Variants in EFCAB6 observed in about 807,000 individuals in gnomAD.
The protein encoded by EFCAB6 is EF-hand calcium-binding domain-containing protein 6.
A neutral mutation model predicts 169.8 loss-of-function variants in EFCAB6; 156 were observed. That is an observed-to-expected ratio of 0.92 (90% CI 0.81 to 1.05). The LOEUF is 1.05. EFCAB6 is among the 50% of genes least tolerant of loss of function. The pLI, the probability that EFCAB6 is intolerant of heterozygous loss-of-function variation, is 0.00. For missense variants in EFCAB6, 1,800 were observed against 1,829.1 expected (o/e 0.98, Z 0.29); for synonymous variants, 698 against 676.4 (o/e 1.03, Z -0.50).
chr22:43,632,776 T>G (rs2055077976), intron 18 of EFCAB6, among the ~76,000 whole-genome samples: 1 of 152,236 alleles, frequency 6.6e-6, no homozygotes, highest in African/African-American at 2.4e-5. Flanking sequence ...TGCTGCAGAC[T>G]GTGGGGCCTC....
chr22:43,571,379 G>A (rs1343928012), intron 26 of EFCAB6, among the ~76,000 whole-genome samples: 1 of 152,180 alleles, frequency 6.6e-6, no homozygotes, highest in Non-Finnish European at 1.5e-5. Context: ...TTACATTTTG[G>A]TAATCTCCTT....
intron 19 of EFCAB6, among the ~76,000 whole-genome samples, chr22:43,630,397 C>A (rs1449841223): frequency 1.3e-5 from 2 of 152,192 alleles, no homozygotes; most frequent in East Asian, 3.9e-4. Context: ...AAATAGAGAT[C>A]TCTTTGGAAA....
chr22:43,594,275 C>CAAAA (rs750560174), intron 23 of EFCAB6, among the ~76,000 whole-genome samples: 232 of 81,348 alleles, frequency 2.9e-3, no homozygotes, highest in African/African-American at 7.7e-3. Context: ...AACTCTGTTT[C>CAAAA]AAAAAAAAAA....
chr22:43,731,681 T>A lies in EFCAB6; in HGVS notation c.757+18A>T. ...AAAGATATTGAAATCTTTAGCTATATACTTTAAAAATACTTACCTTGATTT... is the reference window on the plus strand; with the variant it reads ...AAAGATATTGAAATCTTTAGCTATAAACTTTAAAAATACTTACCTTGATTT... On this transcript the variant is annotated intron_variant, in intron 8 of 31. Coordinates refer to ENST00000262726, the MANE Select transcript of EFCAB6 (RefSeq NM_022785.4). 1 of 1,477,390 alleles carries A rather than the reference T, an allele frequency of 6.8e-7. No homozygotes were observed. Among genetic ancestry groups the A allele is most frequent in the Non-Finnish European group, 9.2e-7 (1 of 1,081,570 alleles). The allele number at this position is 1,477,390 out of a possible 1,614,324, so 91.5% of individuals were successfully genotyped here. A position where few individuals can be genotyped will look rare whatever the true frequency, so the allele number is the denominator to read the frequency against.
chr22:43,683,689 G>T, intron 12 of EFCAB6, 58 bp downstream of exon 12: 1 of 1,236,054 alleles, frequency 8.1e-7, no homozygotes, highest in Non-Finnish European at 1.2e-6. Flanking sequence ...CTTGTTCTGA[G>T]TGTTTGCATT....
intron 17 of EFCAB6, among the ~76,000 whole-genome samples, chr22:43,635,847 C>T (rs1023290129): frequency 6.6e-6 from 1 of 152,186 alleles, no homozygotes; most frequent in Non-Finnish European, 1.5e-5. Context: ...CTCTTCCCTG[C>T]CTTGCAAATA....
intron 24 of EFCAB6, among the ~76,000 whole-genome samples, chr22:43,584,970 A>T (rs1216305755): frequency 2.0e-5 from 3 of 152,220 alleles, no homozygotes; most frequent in Non-Finnish European, 4.4e-5. Flanking sequence ...TACAGCAAAC[A>T]TTAAACATAT....
intron 10 of EFCAB6, among the ~76,000 whole-genome samples, chr22:43,694,679 C>T (rs1056245407): frequency 6.6e-6 from 1 of 151,974 alleles, no homozygotes; most frequent in East Asian, 1.9e-4. Context: ...ATGTAACTTA[C>T]CATAGTAATA....
chr22:43,602,401 CA>C (rs1373132714), intron 22 of EFCAB6, among the ~76,000 whole-genome samples: 6 of 152,232 alleles, frequency 3.9e-5, no homozygotes, highest in Admixed American at 3.3e-4. Flanking sequence ...GCAGCACCAT[CA>C]GGGGCAAGCG....
intron 6 of EFCAB6, among the ~76,000 whole-genome samples, chr22:43,746,724 A>G (rs1376575271): frequency 8.5e-5 from 13 of 152,210 alleles, no homozygotes; most frequent in Admixed American, 8.5e-4. Context: ...TAGCCTGGGC[A>G]ATATAGTAAG....
chr22:43,789,767 A>G (rs1603376729), intron 2 of EFCAB6, among the ~76,000 whole-genome samples: 1 of 151,984 alleles, frequency 6.6e-6, no homozygotes, highest in Admixed American at 6.6e-5. Flanking sequence ...TCAACGTAAG[A>G]GTGAATTAAG....
At chr22:43,743,344 A>C (rs1156692757) in intron 6 of EFCAB6, among the ~76,000 whole-genome samples, 1 of 152,138 alleles carries the variant, frequency 6.6e-6, no homozygotes, top group Non-Finnish European at 1.5e-5. Context: ...CAGTGTATCA[A>C]ATCGCCTCTT....
intron 20 of EFCAB6, among the ~76,000 whole-genome samples, chr22:43,625,257 C>A (rs926439667): frequency 6.6e-6 from 1 of 152,050 alleles, no homozygotes; most frequent in Non-Finnish European, 1.5e-5. Flanking sequence ...TAGGTAGATG[C>A]GATACCTGTC....
At chr22:43,533,062 G>T (rs1479392446) in intron 30 of EFCAB6, among the ~76,000 whole-genome samples, 1 of 152,226 alleles carries the variant, frequency 6.6e-6, no homozygotes, top group African/African-American at 2.4e-5. Context: ...ACTGGGTGTG[G>T]GTTTCAATTG....
intron 17 of EFCAB6, among the ~76,000 whole-genome samples, chr22:43,649,952 T>C (rs2056384849): frequency 6.6e-6 from 1 of 152,152 alleles, no homozygotes; most frequent in African/African-American, 2.4e-5. Context: ...GAGACCCAAA[T>C]GACTGGATTG....
chr22:43,604,399 G>A (rs533557091), intron 22 of EFCAB6, among the ~76,000 whole-genome samples: 1 of 152,270 alleles, frequency 6.6e-6, no homozygotes, highest in East Asian at 1.9e-4. Context: ...GTAAAGCCAT[G>A]CCAGACATGA....
At chr22:43,551,565 T>C (rs928814078) in intron 27 of EFCAB6, among the ~76,000 whole-genome samples, 3 of 152,192 alleles carry the variant, frequency 2.0e-5, no homozygotes, top group African/African-American at 4.8e-5. Flanking sequence ...GTTTGTTCCA[T>C]AGGTAAATGT....
chr22:43,646,567 G>A (rs1240698522), intron 17 of EFCAB6, among the ~76,000 whole-genome samples: 1 of 152,150 alleles, frequency 6.6e-6, no homozygotes, highest in African/African-American at 2.4e-5. Context: ...AGCATAATGA[G>A]AATGTCATAA....
At chr22:43,676,870 T>G (rs1402424140) in intron 13 of EFCAB6, among the ~76,000 whole-genome samples, 2 of 152,172 alleles carry the variant, frequency 1.3e-5, no homozygotes, top group Non-Finnish European at 2.9e-5. Flanking sequence ...ACCATCAGAA[T>G]AGAATGCAGC....
Sources: gnomAD v4.1 joint callset for allele counts (sites outside exome capture counted in the v4.1 genomes callset) on GRCh38, gnomAD v4.1.1 for gene constraint, MANE v1.5 for transcripts, NCBI Gene and HGNC (gene_info 2026-07-23, HGNC 2026-07-21) for gene names.